The following COL28A1 variants were observed in gnomAD, a reference collection of about 807,000 sequenced individuals.
COL28A1 encodes the protein collagen alpha-1(XXVIII) chain.
Under a neutral mutation model 150.2 loss-of-function variants are expected in COL28A1, and 161 were observed. The ratio of observed to expected loss-of-function variants is 1.07; its 90% CI spans 0.94 to 1.22. The LOEUF is 1.22. Among genes scored for constraint, COL28A1 ranks in the 50% most tolerant of loss-of-function variants. COL28A1 has a pLI of 0.00. For synonymous variants in COL28A1, 552 were observed against 469.7 expected, an observed-to-expected ratio of 1.18 and a Z score of -2.26; for missense variants, 1,617 against 1,388.3, an observed-to-expected ratio of 1.16 and a Z score of -2.62.
At chr7:7,380,260 C>T (rs1288707503) in intron 30 of COL28A1, among the ~76,000 whole-genome samples, 1 of 152,140 alleles carries the variant, frequency 6.6e-6, no homozygotes, top group African/African-American at 2.4e-5. Context: ...GATTGCTGCT[C>T]TTCTCAGAGC....
At chr7:7,532,326 G>C (rs539515408) in intron 2 of COL28A1, among the ~76,000 whole-genome samples, 4 of 151,910 alleles carry the variant, frequency 2.6e-5, no homozygotes. Context: ...GAAATCAAGG[G>C]AGAAAATGAC....
At position 7,381,533 on chromosome 7, in the gene COL28A1, G is replaced by C. The variant is rs375609798; in HGVS notation, c.2205+11C>G. On this transcript the variant is annotated intron_variant, in intron 28 of 34. Transcript: ENST00000399429. ...AGCCTAAGCATTTCTCTAAGATCCT[G>C]AGACACTTACCTTCTGGCCTGGGAG... 37 of 1,608,416 alleles carry C rather than the reference G, an allele frequency of 2.3e-5. No individual in the cohort carries two copies. The East Asian group carries it at 2.7e-4, about 12-fold the overall frequency.
intron 13 of COL28A1, among the ~76,000 whole-genome samples, chr7:7,488,984 A>G (rs1314287386): frequency 1.3e-5 from 2 of 152,176 alleles, no homozygotes; most frequent in Admixed American, 6.5e-5. Flanking sequence ...TGGTTCTCGC[A>G]TATTTATTTT....
intron 27 of COL28A1, among the ~76,000 whole-genome samples, chr7:7,403,793 G>A (rs1348813990): frequency 6.6e-6 from 1 of 152,050 alleles, no homozygotes; most frequent in African/African-American, 2.4e-5. Context: ...AGTTTTGTAT[G>A]GTTCAATAGC....
At chr7:7,400,034 G>C (rs187187692) in intron 27 of COL28A1, among the ~76,000 whole-genome samples, 1 of 152,206 alleles carries the variant, frequency 6.6e-6, no homozygotes, top group Non-Finnish European at 1.5e-5. Flanking sequence ...TCCATAAAAG[G>C]TTGTATGCTT....
At chr7:7,447,958 A>G (rs1047359512) in intron 18 of COL28A1, among the ~76,000 whole-genome samples, 28 of 152,022 alleles carry the variant, frequency 1.8e-4, no homozygotes, top group African/African-American at 6.0e-4. Context: ...TCCCAGCTAC[A>G]TGGGAAGCTA....
At chr7:7,477,822 T>C (rs1470030836) in intron 13 of COL28A1, among the ~76,000 whole-genome samples, 1 of 152,150 alleles carries the variant, frequency 6.6e-6, no homozygotes, top group Non-Finnish European at 1.5e-5. Context: ...CTGCTTTTAT[T>C]CTATTATCTG....
chr7:7,343,365 T>C, the COL28A1 span, among the ~76,000 whole-genome samples: 1 of 152,074 alleles, frequency 6.6e-6, no homozygotes, highest in Non-Finnish European at 1.5e-5. Context: ...TCACTCTAAC[T>C]TCCATGTCTC....
chr7:7,424,310 G>A (rs927042649), intron 25 of COL28A1, among the ~76,000 whole-genome samples: 30 of 152,164 alleles, frequency 2.0e-4, no homozygotes, highest in African/African-American at 7.2e-4. Context: ...ATGATCTTTT[G>A]TGGTTCCATG....
chr7:7,471,692 T>C (rs55954412), intron 15 of COL28A1, among the ~76,000 whole-genome samples: 48,808 of 151,984 alleles, frequency 0.32, 10,125 homozygotes, highest in African/African-American at 0.59. Context: ...GTCAGAAGTT[T>C]GAGACCAGCC....
At chr7:7,414,592 G>A (rs538663974) in intron 27 of COL28A1, among the ~76,000 whole-genome samples, 3 of 152,322 alleles carry the variant, frequency 2.0e-5, no homozygotes, top group African/African-American at 7.2e-5. Context: ...TGGTCCCAGA[G>A]CCCCAGGAAA....
chr7:7,534,579 C>G (rs1782542668), intron 1 of COL28A1, among the ~76,000 whole-genome samples: 1 of 152,126 alleles, frequency 6.6e-6, no homozygotes, highest in African/African-American at 2.4e-5. Context: ...AGGCTGAGAA[C>G]TGAATTCCAT....
chr7:7,463,408 C>G (rs1787799443), intron 15 of COL28A1, among the ~76,000 whole-genome samples: 1 of 152,084 alleles, frequency 6.6e-6, no homozygotes, highest in South Asian at 2.1e-4. Context: ...TAATAATGAA[C>G]TGTTGAAATC....
In COL28A1 at chr7:7,373,687, C is replaced by T; in HGVS notation, c.2360-141G>A. On this transcript the variant is annotated intron_variant, in intron 31 of 34. Coordinates refer to ENST00000399429, the MANE Select transcript of COL28A1 (RefSeq NM_001037763.3). This position sits in a 1 kb window ranked among gnomAD's most constrained non-coding sequence, Gnocchi z 4.1. ...CTGTGATTGTGAAAATACCTGACAG[C>T]TGTCTCCATTCTGGTTTCTTTTTTT... is the stretch of plus-strand genomic sequence containing the variant. 3 of 691,636 alleles carry T rather than the reference C, an allele frequency of 4.3e-6. No homozygotes were observed. Among genetic ancestry groups the T allele is most frequent in the Non-Finnish European group, 7.0e-6 (3 of 427,384 alleles). The allele number at this position is 691,636 out of a possible 1,614,324, so 42.8% of individuals were successfully genotyped here. A position where few individuals can be genotyped will look rare whatever the true frequency, so the allele number is the denominator to read the frequency against.
chr7:7,362,386 G>A (rs749626070), intron 33 of COL28A1, among the ~76,000 whole-genome samples: 6 of 152,024 alleles, frequency 3.9e-5, no homozygotes, highest in Non-Finnish European at 8.8e-5. Context: ...TATTTAAATA[G>A]TCAAATCTGT....
At chr7:7,412,459 C>A (rs1783845141) in intron 27 of COL28A1, among the ~76,000 whole-genome samples, 1 of 152,014 alleles carries the variant, frequency 6.6e-6, no homozygotes, top group Non-Finnish European at 1.5e-5. Flanking sequence ...TGCTTAAGAG[C>A]ATTAAATCAC....
chr7:7,365,145 G>A (rs1350781221), intron 33 of COL28A1, among the ~76,000 whole-genome samples: 5 of 142,430 alleles, frequency 3.5e-5, no homozygotes. Flanking sequence ...AAAGAGCTCT[G>A]GAGGGAAAAA....
intron 27 of COL28A1, among the ~76,000 whole-genome samples, chr7:7,402,569 G>C (rs559804457): frequency 2.9e-4 from 44 of 152,312 alleles, no homozygotes; most frequent in Admixed American, 1.8e-3. Flanking sequence ...ACTATGAGAT[G>C]AGATGAAAAC....
chr7:7,458,719 T>C (rs547105483), intron 15 of COL28A1, among the ~76,000 whole-genome samples: 10 of 152,168 alleles, frequency 6.6e-5, no homozygotes, highest in South Asian at 4.1e-4. Flanking sequence ...CAACAACCCC[T>C]GTAAAGTGGC....
Sources: allele counts gnomAD v4.1 joint callset (sites outside exome capture counted in the v4.1 genomes callset), GRCh38; gene constraint gnomAD v4.1.1; non-coding constraint Gnocchi (gnomAD v3.1); transcripts MANE v1.5; gene names NCBI Gene and HGNC (gene_info 2026-07-23, HGNC 2026-07-21).